Variants in CHD2 observed in about 807,000 individuals in gnomAD.
CHD2 encodes chromodomain helicase DNA binding protein 2, also known as ATP-dependent chromatin remodeler CHD2.
A neutral mutation model predicts 243.9 loss-of-function variants in CHD2; 28 were observed. The ratio of observed to expected loss-of-function variants is 0.11; its 90% confidence interval spans 0.09 to 0.16. The LOEUF (loss-of-function observed/expected upper bound fraction) is 0.16. Among genes scored for constraint, CHD2 ranks in the 10% least tolerant of loss-of-function variants. The probability of loss-of-function intolerance (pLI) is 1.00; values close to 1 mark genes in which losing one functional copy is unlikely to be tolerated. For missense variants in CHD2, 1,386 were observed against 2,209.8 expected (o/e 0.63, Z 7.47); for synonymous variants, 775 against 779.0 (o/e 0.99, Z 0.09).
rs770556699 is a variant in CHD2, at chr15:93,024,662, A to C, written c.5444A>C (p.Gln1815Pro). The change falls in exon 39 of 39, where the codon CAG (glutamine) becomes CCG (proline). Residue 1815 changes from glutamine to proline, a missense_variant. Physicochemically the swap from Gln to Pro is moderately conservative, Grantham distance 76. This residue lies in a region of CHD2 where 347 missense variants were observed against 341.6 expected (regional missense o/e 1.02). Transcript: ENST00000394196. ...TCTCCTTTGGAGAGATCACTAGAACAGAAAAACAACCCAGATTATAACTGG... is the reference window on the plus strand; with the variant it reads ...TCTCCTTTGGAGAGATCACTAGAACCGAAAAACAACCCAGATTATAACTGG... ...HRSPLERSLE[Q>P]KNNPDYNWNV... The C allele has an allele frequency of 1.2e-6, 2 of 1,613,412 alleles. No homozygotes were observed. The highest frequency in any genetic ancestry group is 2.2e-5 in the South Asian group (2 of 90,972).
At chr15:92,919,487 G>C (rs2052912713) in intron 2 of CHD2, among the ~76,000 whole-genome samples, 1 of 151,880 alleles carries the variant, frequency 6.6e-6, no homozygotes, top group Admixed American at 6.6e-5. Flanking sequence ...CTGCCTCCTG[G>C]GTTCAAGTGA....
rs761922227 is a variant in CHD2, at chr15:92,945,809, T to G, written c.1154-12T>G. ...GTTTATAACTTTTCTGTCTTATTTT[T>G]TATTTGTTTAGCTGTGAAGACAAGT... On this transcript the variant is annotated splice_polypyrimidine_tract_variant and intron_variant, in intron 10 of 38. Coordinates refer to ENST00000394196, the MANE Select transcript of CHD2 (RefSeq NM_001271.4). 1 of 1,536,412 alleles carries G rather than the reference T, an allele frequency of 6.5e-7. No homozygotes were observed. The highest frequency in any genetic ancestry group is 1.4e-5 in the African/African-American group (1 of 72,158).
At chr15:92,957,462 T>G (rs1458679238) in intron 16 of CHD2, among the ~76,000 whole-genome samples, 1 of 152,202 alleles carries the variant, frequency 6.6e-6, no homozygotes, top group Non-Finnish European at 1.5e-5. Context: ...CTAACCTGTT[T>G]TAGTGTCTAT....
Position 92,998,707 on chromosome 15 carries a change from A to T in CHD2, c.4008+86A>T. Reference sequence around the variant, plus strand: ...GGTAGGAAGAGAGAGGCCCTCTCTGAGCACTGCACAGAATGTCACCTTCTC... The same window carrying T: ...GGTAGGAAGAGAGAGGCCCTCTCTGTGCACTGCACAGAATGTCACCTTCTC... On this transcript the variant is annotated intron_variant, in intron 31 of 38. Transcript: ENST00000394196. This position sits in a 1 kb window ranked among gnomAD's most constrained non-coding sequence, Gnocchi z 5.1. The T allele has an allele frequency of 2.8e-6, 4 of 1,447,664 alleles. No individual in the cohort carries two copies. Among genetic ancestry groups the T allele is most frequent in the Non-Finnish European group, 3.8e-6 (4 of 1,059,450 alleles). The allele number at this position is 1,447,664 out of a possible 1,614,324, so 89.7% of individuals were successfully genotyped here.
intron 13 of CHD2, among the ~76,000 whole-genome samples, chr15:92,952,691 C>CT (rs532706122): frequency 2.6e-5 from 4 of 152,224 alleles, no homozygotes; most frequent in Non-Finnish European, 4.4e-5. Flanking sequence ...CGCTGCTCAC[C>CT]TTCTGCTGTG....
At chr15:92,940,935 T>A (rs900509602) in intron 7 of CHD2, among the ~76,000 whole-genome samples, 9 of 137,436 alleles carry the variant, frequency 6.5e-5, no homozygotes, top group Non-Finnish European at 1.1e-4. Flanking sequence ...TAAATATATA[T>A]AAAATATATA....
chr15:93,013,928 CAAAAAAAAAAAAA>C (rs35774813), intron 36 of CHD2, among the ~76,000 whole-genome samples: 1 of 64,134 alleles, frequency 1.6e-5, no homozygotes, highest in Non-Finnish European at 2.6e-5. Context: ...GACTCTGTCT[CAAAAAAAAAAAAA>C]AAAAAAAAAA....
At chr15:92,946,965 T>A (rs1351655304) in intron 12 of CHD2, 2 of 151,686 alleles carry the variant, frequency 1.3e-5, no homozygotes, top group Non-Finnish European at 2.9e-5. Flanking sequence ...CGGGAAGTGA[T>A]AGAAAAGGCG....
intron 2 of CHD2, chr15:92,901,763 C>T (rs2052531899): frequency 3.8e-6 from 1 of 265,130 alleles, no homozygotes; most frequent in African/African-American, 2.2e-5. Context: ...AGTAAATAGA[C>T]ATATCAGAAA....
chr15:92,918,703 T>C (rs576668018), intron 2 of CHD2, among the ~76,000 whole-genome samples: 4 of 152,078 alleles, frequency 2.6e-5, no homozygotes, highest in Non-Finnish European at 5.9e-5. Context: ...AATTATTAGG[T>C]ATTAATGGCA....
rs2054031467 is a variant in CHD2 at position 92,985,545 on chromosome 15, C to G, written c.3285C>G (p.Ala1095=). ...CTGACACTGAGTCTAAGAGGCAGGC[C>G]CAGAGATCCTCTGCTTCTGAGAGTG... is the stretch of plus-strand genomic sequence containing the variant. ...SDSDTESKRQ[A]QRSSASESET... The change falls in exon 26 of 39, where the codon GCC becomes GCG. Residue 1095 remains alanine (A), a synonymous_variant. Coordinates refer to ENST00000394196, the MANE Select transcript of CHD2 (RefSeq NM_001271.4). 7 of 1,614,012 alleles carry G rather than the reference C, an allele frequency of 4.3e-6. No homozygotes were observed. The highest frequency in any genetic ancestry group is 5.9e-6 in the Non-Finnish European group (7 of 1,179,962).
Position 93,024,541 on chromosome 15 carries a change from C to A in CHD2, c.5323C>A (p.Gln1775Lys). 6.2e-7 allele frequency: 1 copy of A among 1,614,238 alleles called. No individual in the cohort carries two copies. Among genetic ancestry groups the A allele is most frequent in the Non-Finnish European group, 8.5e-7 (1 of 1,180,044 alleles). The change falls in exon 39 of 39, where the codon CAG becomes AAG. Residue 1775 changes from glutamine (Q) to lysine (K), a missense_variant. This residue lies in a region of CHD2 where 347 missense variants were observed against 341.6 expected (regional missense o/e 1.02). Coordinates refer to ENST00000394196, the MANE Select transcript of CHD2 (RefSeq NM_001271.4). ...FHTDKLGEYKQPLPPLHPAVS... is the reference protein window; with the variant it reads ...FHTDKLGEYKKPLPPLHPAVS... ...CACAGATAAACTGGGGGAATATAAA[C>A]AGCCTCTACCCCCATTGCACCCTGC...
intron 16 of CHD2, 46 bp downstream of exon 16, chr15:92,956,695 A>G: frequency 6.5e-7 from 1 of 1,537,290 alleles, no homozygotes; most frequent in South Asian, 1.2e-5. Context: ...AATGTCTGAA[A>G]TGCCAATGCT....
At chr15:93,004,215 T>C (rs2054292416) in intron 33 of CHD2, among the ~76,000 whole-genome samples, 1 of 152,198 alleles carries the variant, frequency 6.6e-6, no homozygotes, top group Non-Finnish European at 1.5e-5. Flanking sequence ...TAGAGTTCAT[T>C]TACAATAATG....
intron 35 of CHD2, among the ~76,000 whole-genome samples, chr15:93,010,846 T>G (rs2054384034): frequency 6.6e-6 from 1 of 152,248 alleles, no homozygotes. Context: ...TAACCACAGT[T>G]ACTTTGAACT....
chr15:92,953,876 A>G, intron 14 of CHD2: 1 of 300,926 alleles, frequency 3.3e-6, no homozygotes, highest in South Asian at 4.7e-5. Flanking sequence ...ATGAGATAAT[A>G]TGGAGTTAAT....
At chr15:92,928,132 G>GGT (rs1487024407) in intron 4 of CHD2, among the ~76,000 whole-genome samples, 1 of 152,112 alleles carries the variant, frequency 6.6e-6, no homozygotes, top group East Asian at 1.9e-4. Flanking sequence ...CAGTGAGTTG[G>GGT]GTGTGGGTTT....
intron 26 of CHD2, among the ~76,000 whole-genome samples, chr15:92,987,152 G>A (rs962614063): frequency 1.3e-5 from 2 of 152,012 alleles, no homozygotes; most frequent in Admixed American, 1.3e-4. Flanking sequence ...CTTATTAATT[G>A]TATATATTTT....
rs973277096 is a variant in CHD2, at chr15:93,026,051, T to A, written c.*1346T>A. 1 of 152,678 alleles carries A rather than the reference T, an allele frequency of 6.5e-6. No homozygotes were observed. Among genetic ancestry groups the A allele is most frequent in the Non-Finnish European group, 1.5e-5 (1 of 68,056 alleles). The allele number at this position is 152,678 out of a possible 1,614,324, so 9.5% of individuals were successfully genotyped here. A position where few individuals can be genotyped will look rare whatever the true frequency, so the allele number is the denominator to read the frequency against. On this transcript the variant is annotated 3_prime_UTR_variant, in exon 39 of 39. Coordinates refer to ENST00000394196, the MANE Select transcript of CHD2 (RefSeq NM_001271.4). Reference sequence around the variant, plus strand: ...AGTAAAAATCATACGAGAGTTGAACTGAGTCAGGTTTAGGAAGCAAGTTTG... The same window carrying A: ...AGTAAAAATCATACGAGAGTTGAACAGAGTCAGGTTTAGGAAGCAAGTTTG...
Sources: gnomAD v4.1 joint callset for allele counts (sites outside exome capture counted in the v4.1 genomes callset) on GRCh38, gnomAD v4.1.1 for gene constraint, gnomAD v4.1.1 regional missense constraint, Gnocchi (gnomAD v3.1) non-coding constraint, MANE v1.5 for transcripts, NCBI Gene and HGNC (gene_info 2026-07-23, HGNC 2026-07-21) for gene names.